ZSWIM4: variants seen among roughly 807,000 people sequenced by gnomAD.
ZSWIM4 encodes zinc finger SWIM domain-containing protein 4.
In ZSWIM4, 62 loss-of-function variants were observed where a neutral mutation model predicts 102.5. That is an observed-to-expected ratio of 0.60 (90% CI 0.49 to 0.75). ZSWIM4 has a LOEUF of 0.75. Among genes scored for constraint, ZSWIM4 ranks in the 30% least tolerant of loss-of-function variants. The pLI is 0.00. For missense variants in ZSWIM4, 1,280 were observed against 1,529.6 expected (o/e 0.84, Z 2.72); for synonymous variants, 652 against 674.5 (o/e 0.97, Z 0.52).
Position 13,813,055 on chromosome 19 carries a change from C to T in ZSWIM4, c.1071C>T (p.Gly357=). ...SPHCKPEERA[G]WLQLLSRWDK... ...ACTGCAAACCAGAGGAAAGGGCAGG[C>T]TGGCTCCAGCTACTCAGCAGGTGGG... The change falls in exon 6 of 14, where the codon GGC becomes GGT. Residue 357 remains glycine, a synonymous_variant. Transcript: ENST00000590508. The T allele has an allele frequency of 6.2e-7, 1 of 1,613,952 alleles. No homozygotes were observed. Among genetic ancestry groups the T allele is most frequent in the Non-Finnish European group, 8.5e-7 (1 of 1,179,992 alleles).
chr19:13,800,517 G>A (rs1974742074), intron 2 of ZSWIM4, among the ~76,000 whole-genome samples: 3 of 151,438 alleles, frequency 2.0e-5, no homozygotes, highest in East Asian at 2.0e-4. Flanking sequence ...CACCCGCCTC[G>A]GCCTCCCAAA....
intron 2 of ZSWIM4, among the ~76,000 whole-genome samples, chr19:13,802,366 A>G (rs1450866732): frequency 1.3e-5 from 2 of 150,014 alleles, no homozygotes; most frequent in Non-Finnish European, 3.0e-5. Flanking sequence ...CGGGTGGATC[A>G]CCTAAGGTCA....
Position 13,805,012 on chromosome 19 carries a change from C to T in ZSWIM4, c.576C>T (p.Leu192=). The change falls in exon 3 of 14, where the codon CTC becomes CTT. Residue 192 remains leucine, a synonymous_variant. Coordinates refer to ENST00000590508, the MANE Select transcript of ZSWIM4 (RefSeq NM_001367834.3). The part of the protein sequence containing the change: ...VELRLPISET[L]SQMNRDQLQK... The stretch of plus-strand genomic sequence containing the variant: ...TGCGGCTGCCCATCTCCGAGACGCT[C>T]TCCCAGATGAACCGGGACCAGCTGC... The T allele has an allele frequency of 6.2e-7, 1 of 1,612,400 alleles. No individual in the cohort carries two copies. The highest frequency in any genetic ancestry group is 8.5e-7 in the Non-Finnish European group (1 of 1,180,034).
At chr19:13,823,624 C>G in intron 11 of ZSWIM4, 124 bp downstream of exon 11, 2 of 1,174,668 alleles carry the variant, frequency 1.7e-6, no homozygotes, top group Non-Finnish European at 2.4e-6. Context: ...CTTTGAGCAC[C>G]TCCTATATGT....
At chr19:13,818,073 C>G in intron 9 of ZSWIM4, 97 bp downstream of exon 9, 2 of 1,417,820 alleles carry the variant, frequency 1.4e-6, no homozygotes, top group Non-Finnish European at 1.8e-6. Context: ...AGGCCCCGCC[C>G]CAGCCCCGCC....
At chr19:13,828,767 C>A in intron 13 of ZSWIM4, 41 bp downstream of exon 13, 1 of 1,592,816 alleles carries the variant, frequency 6.3e-7, no homozygotes, top group Non-Finnish European at 8.6e-7. Flanking sequence ...CTTCGCTGTT[C>A]TGGTTCTGCA....
At chr19:13,820,038 G>A (rs971299967) in intron 10 of ZSWIM4, among the ~76,000 whole-genome samples, 10 of 151,778 alleles carry the variant, frequency 6.6e-5, no homozygotes, top group Non-Finnish European at 1.2e-4. Context: ...TGTATTTTTA[G>A]TAGAGACGGG....
chr19:13,813,309 C>A, intron 6 of ZSWIM4, 145 bp downstream of exon 6: 1 of 707,362 alleles, frequency 1.4e-6, no homozygotes, highest in Non-Finnish European at 2.3e-6. Flanking sequence ...TCTTCCAGGA[C>A]TAATCCCAAC....
chr19:13,801,354 G>A (rs867309621), intron 2 of ZSWIM4, among the ~76,000 whole-genome samples: 4 of 152,090 alleles, frequency 2.6e-5, no homozygotes, highest in South Asian at 4.1e-4. Context: ...GTAGTGAGAC[G>A]GAGAGAAGAG....
At position 13,825,754 on chromosome 19, in the gene ZSWIM4, C is replaced by A; in HGVS notation, c.2379+41C>A. 6.3e-7 allele frequency: 1 copy of A among 1,581,214 alleles called. No individual in the cohort carries two copies. Among genetic ancestry groups the A allele is most frequent in the Admixed American group, 1.7e-5 (1 of 58,486 alleles). ...TGGATGCGGGAGGGCGATGGTGGCT[C>A]GGGGCCAGGACTGACTGTGAGCTGC... On this transcript the variant is annotated intron_variant, in intron 12 of 13. Transcript: ENST00000590508. This position sits in a 1 kb window ranked among gnomAD's most constrained non-coding sequence, Gnocchi z 4.6.
chr19:13,814,938 C>A, intron 7 of ZSWIM4, 73 bp downstream of exon 7: 1 of 966,800 alleles, frequency 1.0e-6, no homozygotes, highest in Non-Finnish European at 1.3e-6. Flanking sequence ...GGGAGGATTG[C>A]TTGAGGCCAG....
At chr19:13,824,400 C>T (rs1975549961) in intron 11 of ZSWIM4, among the ~76,000 whole-genome samples, 1 of 151,972 alleles carries the variant, frequency 6.6e-6, no homozygotes, top group Admixed American at 6.6e-5. Context: ...TCTTCAAGAC[C>T]AGCCTGGCCA....
chr19:13,822,520 C>T (rs1975494256), intron 10 of ZSWIM4, among the ~76,000 whole-genome samples: 1 of 152,160 alleles, frequency 6.6e-6, no homozygotes, highest in Non-Finnish European at 1.5e-5. Context: ...GCTTTTCTGG[C>T]AGAACAATGA....
At position 13,799,926 on chromosome 19, in the gene ZSWIM4, G is replaced by A. The variant is rs780434207; in HGVS notation, c.355+5G>A. On this transcript the variant is annotated splice_donor_5th_base_variant and intron_variant, in intron 2 of 13. Transcript: ENST00000590508. ...TGGACCGCGTGTTGCAAGTGGGTGA[G>A]TCTTTGTCCCCCACTCCTGCTGGGG... 6.2e-7 allele frequency: 1 copy of A among 1,607,490 alleles called. No homozygotes were observed. Among genetic ancestry groups the A allele is most frequent in the Non-Finnish European group, 8.5e-7 (1 of 1,178,914 alleles).
rs146265311 is a variant in ZSWIM4 at position 13,800,441 on chromosome 19, A to G, written c.355+520A>G. 7.4e-3 allele frequency among the ~76,000 whole-genome samples: 1,122 copies of G among 151,326 alleles called. 37 individuals carry two copies. The highest frequency in any genetic ancestry group is 0.046 in the East Asian group (233 of 5,108). ...CCACCAAGCCCGGCTAATTTTTTGT[A>G]TTTTTAGTAGAGACGGGGTTTCACC... On this transcript the variant is annotated intron_variant, in intron 2 of 13. Coordinates refer to ENST00000590508, the MANE Select transcript of ZSWIM4 (RefSeq NM_001367834.3).
intron 6 of ZSWIM4, among the ~76,000 whole-genome samples, chr19:13,813,563 C>A (rs1975169929): frequency 6.6e-6 from 1 of 151,296 alleles, no homozygotes; most frequent in African/African-American, 2.4e-5. Flanking sequence ...GAGGGAGAGG[C>A]AGACAGAGGA....
At chr19:13,810,644 C>T (rs551255787) in intron 5 of ZSWIM4, among the ~76,000 whole-genome samples, 2 of 150,204 alleles carry the variant, frequency 1.3e-5, no homozygotes, top group South Asian at 2.1e-4. Context: ...GAGTCTTGCT[C>T]TGTCACCCAA....
chr19:13,816,501 C>A (rs1469481395), intron 7 of ZSWIM4, among the ~76,000 whole-genome samples: 1 of 152,108 alleles, frequency 6.6e-6, no homozygotes, highest in African/African-American at 2.4e-5. Flanking sequence ...GTGGCACGTA[C>A]CTGTATTCCC....
chr19:13,813,213 A>C, intron 6 of ZSWIM4, 49 bp downstream of exon 6: 1 of 1,450,260 alleles, frequency 6.9e-7, no homozygotes, highest in Non-Finnish European at 9.5e-7. Flanking sequence ...ATCACCACTA[A>C]CTGTGGCCCC....
Sources: gnomAD v4.1 joint callset for allele counts (sites outside exome capture counted in the v4.1 genomes callset) on GRCh38, gnomAD v4.1.1 for gene constraint, Gnocchi (gnomAD v3.1) non-coding constraint, MANE v1.5 for transcripts, NCBI Gene and HGNC (gene_info 2026-07-23, HGNC 2026-07-21) for gene names.